The following NDST3 variants were observed in gnomAD, a reference collection of about 807,000 sequenced individuals.
NDST3 encodes the protein N-deacetylase and N-sulfotransferase 3, also known as bifunctional heparan sulfate N-deacetylase/N-sulfotransferase 3.
A neutral mutation model predicts 96.1 loss-of-function variants in NDST3; 58 were observed. That is an observed-to-expected ratio of 0.60 (90% confidence interval 0.49 to 0.75). The LOEUF (loss-of-function observed/expected upper bound fraction) is 0.75. Ranked by LOEUF, NDST3 falls within the 30% of genes least tolerant of loss-of-function variation. The probability of loss-of-function intolerance (pLI) is 0.00; values close to 1 mark genes in which losing one functional copy is unlikely to be tolerated. For missense variants in NDST3, 788 were observed against 1,034.2 expected, an observed-to-expected ratio of 0.76 and a Z score of 3.27; for synonymous variants, 333 against 359.7, an observed-to-expected ratio of 0.93 and a Z score of 0.84.
chr4:118,145,860 A>G (rs936162298), intron 6 of NDST3, among the ~76,000 whole-genome samples: 2 of 152,204 alleles, frequency 1.3e-5, no homozygotes, highest in African/African-American at 4.8e-5. Flanking sequence ...CAGACAAGGA[A>G]CCCAAAGCTA....
chr4:118,222,514 T>A (rs926117882), intron 6 of NDST3, among the ~76,000 whole-genome samples: 1 of 151,924 alleles, frequency 6.6e-6, no homozygotes, highest in African/African-American at 2.4e-5. Flanking sequence ...TCTAAAAGGG[T>A]CATAAGGTGA....
At chr4:118,074,346 A>G (rs770160689) in intron 2 of NDST3, among the ~76,000 whole-genome samples, 61 of 151,608 alleles carry the variant, frequency 4.0e-4, no homozygotes, top group Admixed American at 3.3e-4. Context: ...TTCTGCCTCA[A>G]TGAAGTCTCC....
intron 6 of NDST3, among the ~76,000 whole-genome samples, chr4:118,154,307 G>T (rs1734595598): frequency 6.6e-6 from 1 of 152,146 alleles, no homozygotes; most frequent in Non-Finnish European, 1.5e-5. Flanking sequence ...GTATAATGGG[G>T]CATTCTTATT....
At chr4:118,097,750 T>G (rs9637622) in intron 2 of NDST3, among the ~76,000 whole-genome samples, 114,053 of 151,576 alleles carry the variant, frequency 0.75, 45,544 homozygotes, top group South Asian at 0.92. Flanking sequence ...TTCACCAAGA[T>G]TCAAAACAGT....
chr4:118,073,573 C>G (rs1011892023), intron 2 of NDST3, among the ~76,000 whole-genome samples: 1 of 152,084 alleles, frequency 6.6e-6, no homozygotes, highest in African/African-American at 2.4e-5. Context: ...GTATTATCCA[C>G]TTTGTGATTT....
chr4:118,073,372 G>A (rs1460827560), intron 2 of NDST3, among the ~76,000 whole-genome samples: 1 of 151,978 alleles, frequency 6.6e-6, no homozygotes, highest in Non-Finnish European at 1.5e-5. Flanking sequence ...CTGGTTGGTA[G>A]GCTTTTTATT....
chr4:118,094,814 T>C (rs1029824974), intron 2 of NDST3, among the ~76,000 whole-genome samples: 2 of 151,778 alleles, frequency 1.3e-5, no homozygotes, highest in African/African-American at 2.4e-5. Flanking sequence ...AAGAGCTAAA[T>C]AGATGGCTAT....
At chr4:118,203,434 G>A (rs1012035590) in intron 6 of NDST3, among the ~76,000 whole-genome samples, 2 of 152,146 alleles carry the variant, frequency 1.3e-5, no homozygotes, top group African/African-American at 4.8e-5. Flanking sequence ...GAATCCATCT[G>A]AGCCAGGGCT....
intron 4 of NDST3, among the ~76,000 whole-genome samples, chr4:118,119,777 C>A (rs1372257143): frequency 6.6e-6 from 1 of 152,118 alleles, no homozygotes; most frequent in Non-Finnish European, 1.5e-5. Flanking sequence ...ATCCTGCTAC[C>A]ACATCAGATT....
At chr4:118,108,720 A>G (rs1730403013) in intron 3 of NDST3, among the ~76,000 whole-genome samples, 1 of 152,218 alleles carries the variant, frequency 6.6e-6, no homozygotes, top group Non-Finnish European at 1.5e-5. Flanking sequence ...TTGTGTAATG[A>G]ATACAATATG....
At chr4:118,169,148 G>A (rs1166926291) in intron 6 of NDST3, among the ~76,000 whole-genome samples, 1 of 141,512 alleles carries the variant, frequency 7.1e-6, no homozygotes. Context: ...AAGAAAAAAA[G>A]AAAGAACTTT....
intron 6 of NDST3, among the ~76,000 whole-genome samples, chr4:118,145,784 C>A (rs1015632482): frequency 6.6e-6 from 1 of 152,122 alleles, no homozygotes; most frequent in African/African-American, 2.4e-5. Context: ...TTTCAGTAGA[C>A]AATTACTTTC....
chr4:118,050,443 G>A (rs1274949229), intron 1 of NDST3, among the ~76,000 whole-genome samples: 1 of 152,092 alleles, frequency 6.6e-6, no homozygotes, highest in African/African-American at 2.4e-5. Flanking sequence ...TCTCTTTGCT[G>A]ATGATATGAT....
intron 2 of NDST3, among the ~76,000 whole-genome samples, chr4:118,056,314 T>C (rs985426843): frequency 5.3e-5 from 8 of 151,886 alleles, no homozygotes; most frequent in African/African-American, 1.7e-4. Flanking sequence ...CCTAATATTA[T>C]ACAAAATACA....
At chr4:118,220,857 G>A (rs1345679190) in intron 6 of NDST3, among the ~76,000 whole-genome samples, 1 of 151,998 alleles carries the variant, frequency 6.6e-6, no homozygotes, top group African/African-American at 2.4e-5. Flanking sequence ...TTTAAAATGT[G>A]TTTAAAAAGG....
chr4:118,053,435 T>A (rs1328713663), intron 1 of NDST3, among the ~76,000 whole-genome samples: 1 of 152,008 alleles, frequency 6.6e-6, no homozygotes, highest in Non-Finnish European at 1.5e-5. Flanking sequence ...AATGGCAGTG[T>A]ATGACTTAGG....
chr4:118,237,883 G>A (rs1400556369), intron 10 of NDST3, among the ~76,000 whole-genome samples: 4 of 151,324 alleles, frequency 2.6e-5, no homozygotes, highest in Admixed American at 2.6e-4. Flanking sequence ...TGGGAAGATT[G>A]TTTGAGCCCA....
intron 2 of NDST3, among the ~76,000 whole-genome samples, chr4:118,089,251 C>T (rs958304475): frequency 6.6e-6 from 1 of 151,778 alleles, no homozygotes; most frequent in Non-Finnish European, 1.5e-5. Context: ...TTATGTTCTC[C>T]ATGGTATGCA....
chr4:118,244,576 G>A (rs1741195589), intron 12 of NDST3, among the ~76,000 whole-genome samples: 2 of 152,044 alleles, frequency 1.3e-5, no homozygotes, highest in Non-Finnish European at 2.9e-5. Context: ...TAAATCTAGT[G>A]CTTTGCATGT....
Sources: gnomAD v4.1 joint callset for allele counts (sites outside exome capture counted in the v4.1 genomes callset) on GRCh38, gnomAD v4.1.1 for gene constraint, MANE v1.5 for transcripts, NCBI Gene and HGNC (gene_info 2026-07-23, HGNC 2026-07-21) for gene names.